The following PPP3CA variants were observed in gnomAD, a reference collection of about 807,000 sequenced individuals.
PPP3CA encodes protein phosphatase 3 catalytic subunit alpha.
A neutral mutation model predicts 66.5 loss-of-function variants in PPP3CA; 14 were observed. The observed-to-expected ratio is 0.21, with a 90% confidence interval of 0.14 to 0.33. The LOEUF is 0.33. Ranked by LOEUF, PPP3CA falls within the 10% of genes least tolerant of loss-of-function variation. PPP3CA has a pLI of 1.00. For missense variants in PPP3CA, 317 were observed against 639.5 expected, an observed-to-expected ratio of 0.50 and a Z score of 5.44; for synonymous variants, 232 against 226.2, an observed-to-expected ratio of 1.03 and a Z score of -0.23.
intron 1 of PPP3CA, among the ~76,000 whole-genome samples, chr4:101,328,924 G>C (rs1306990675): frequency 1.3e-5 from 2 of 151,902 alleles, no homozygotes; most frequent in Non-Finnish European, 2.9e-5. Flanking sequence ...ATCTCTCTCT[G>C]TCTCTCCTTG....
intron 2 of PPP3CA, among the ~76,000 whole-genome samples, chr4:101,139,347 CAA>C (rs56658441): frequency 0.54 from 51,396 of 95,744 alleles, 10,568 homozygotes; most frequent in African/African-American, 0.66. Flanking sequence ...GACTCCGTCT[CAA>C]AAAAAAAAAA....
At chr4:101,244,608 G>A (rs952709532) in intron 1 of PPP3CA, among the ~76,000 whole-genome samples, 1 of 152,130 alleles carries the variant, frequency 6.6e-6, no homozygotes, top group Non-Finnish European at 1.5e-5. Context: ...GACAAGAGAC[G>A]CCTACAGCTC....
In PPP3CA at chr4:101,124,723, AAGAGAAAG is replaced by A. The variant is rs1247694959; in HGVS notation, c.260-15653_260-15646del. On this transcript the variant is annotated intron_variant, in intron 2 of 13. Coordinates refer to ENST00000394854, the MANE Select transcript of PPP3CA (RefSeq NM_000944.5). ...AAAGAAAGAAAGAAAGAAAGAAAGA[AAGAGAAAG>A]AAAGAAAGAAAGAAAGAAAGAAAGA... Among the ~76,000 whole-genome samples, 95 of 48,254 alleles carry A rather than the reference AAGAGAAAG, an allele frequency of 2.0e-3. 1 individual carries two copies. Among genetic ancestry groups the A allele is most frequent in the African/African-American group, 6.1e-3 (89 of 14,472 alleles). The allele number at this position is 48,254 out of a possible 152,430, so 31.7% of individuals were successfully genotyped here. A position where few individuals can be genotyped will look rare whatever the true frequency, so the allele number is the denominator to read the frequency against.
At chr4:101,082,431 T>C (rs1729480866) in intron 7 of PPP3CA, among the ~76,000 whole-genome samples, 1 of 152,164 alleles carries the variant, frequency 6.6e-6, no homozygotes, top group Non-Finnish European at 1.5e-5. Context: ...ACCTAGACTA[T>C]GAAGGGATGA....
In PPP3CA at chr4:101,023,506, A is replaced by G. The variant is rs1726476729; in HGVS notation, c.*2359T>C. The G allele has an allele frequency of 6.6e-6, 1 of 152,236 alleles. No homozygotes were observed. Among genetic ancestry groups the G allele is most frequent in the Non-Finnish European group, 1.5e-5 (1 of 68,032 alleles). 9.4% of individuals were successfully genotyped at this position (152,236 alleles called of 1,614,324 possible). Reference sequence around the variant, plus strand: ...TTTGTAAAAGAAAGGAATCCAAAAAAATGAATTTTTTTTAGTCAGGATATT... The same window carrying G: ...TTTGTAAAAGAAAGGAATCCAAAAAGATGAATTTTTTTTAGTCAGGATATT... On this transcript the variant is annotated 3_prime_UTR_variant, in exon 14 of 14. Coordinates refer to ENST00000394854, the MANE Select transcript of PPP3CA (RefSeq NM_000944.5).
At chr4:101,337,939 T>A (rs1211901885) in intron 1 of PPP3CA, among the ~76,000 whole-genome samples, 1 of 152,194 alleles carries the variant, frequency 6.6e-6, no homozygotes, top group Non-Finnish European at 1.5e-5. Context: ...GCCTGAAGAT[T>A]TTTTATTGGT....
At chr4:101,136,281 G>A (rs146971140) in intron 2 of PPP3CA, among the ~76,000 whole-genome samples, 1 of 152,170 alleles carries the variant, frequency 6.6e-6, no homozygotes, top group African/African-American at 2.4e-5. Flanking sequence ...TCAGCCGGGT[G>A]TGTAATCCCA....
intron 2 of PPP3CA, among the ~76,000 whole-genome samples, chr4:101,128,870 G>A (rs1323558767): frequency 6.6e-6 from 1 of 152,092 alleles, no homozygotes; most frequent in African/African-American, 2.4e-5. Context: ...TCATACCCCA[G>A]TGGTGGCTGG....
At chr4:101,132,798 A>G (rs1396448974) in intron 2 of PPP3CA, among the ~76,000 whole-genome samples, 1 of 152,340 alleles carries the variant, frequency 6.6e-6, no homozygotes, top group East Asian at 1.9e-4. Context: ...CACAACCAAA[A>G]AAGAAAATTT....
intron 10 of PPP3CA, among the ~76,000 whole-genome samples, chr4:101,042,378 T>C (rs1383601430): frequency 6.6e-6 from 1 of 152,126 alleles, no homozygotes; most frequent in Non-Finnish European, 1.5e-5. Context: ...CCTACATTTG[T>C]GTCCATTTCT....
At chr4:101,193,736 C>A (rs907619036) in intron 2 of PPP3CA, among the ~76,000 whole-genome samples, 1 of 152,138 alleles carries the variant, frequency 6.6e-6, no homozygotes, top group African/African-American at 2.4e-5. Flanking sequence ...TGAACCCAAA[C>A]CTTTCATTGT....
chr4:101,328,027 A>G (rs890395008), intron 1 of PPP3CA, among the ~76,000 whole-genome samples: 1 of 152,348 alleles, frequency 6.6e-6, no homozygotes, highest in African/African-American at 2.4e-5. Context: ...AGCTGATTCC[A>G]GCAGGAAGAA....
At chr4:101,264,485 AAAAG>A (rs1317912342) in intron 1 of PPP3CA, among the ~76,000 whole-genome samples, 1 of 152,218 alleles carries the variant, frequency 6.6e-6, no homozygotes, top group Non-Finnish European at 1.5e-5. Flanking sequence ...AAATTAAAAT[AAAAG>A]AAGGAAGGAA....
chr4:101,106,386 AAAG>A (rs1730682938), intron 3 of PPP3CA, among the ~76,000 whole-genome samples: 1 of 4,750 alleles, frequency 2.1e-4, no homozygotes, highest in African/African-American at 6.1e-4. Context: ...AGAAAGAAAG[AAAG>A]AAAGAAAGAA....
At chr4:101,295,728 T>A (rs1351701814) in intron 1 of PPP3CA, among the ~76,000 whole-genome samples, 1 of 152,246 alleles carries the variant, frequency 6.6e-6, no homozygotes, top group Non-Finnish European at 1.5e-5. Context: ...AACTTACAAA[T>A]AACTTTTTGC....
In PPP3CA at chr4:101,154,097, G is replaced by C. The variant is rs184222582; in HGVS notation, c.259+41819C>G. Among the ~76,000 whole-genome samples, 22 of 152,208 alleles carry C rather than the reference G, an allele frequency of 1.4e-4. No individual in the cohort carries two copies. In the East Asian group the frequency reaches 4.3e-3, roughly 29 times the overall value. Reference sequence around the variant, plus strand: ...CAGTTTTTTATGAAGTACCACATTTGCTTGTATATGTCATCCTTATGAACA... The same window carrying C: ...CAGTTTTTTATGAAGTACCACATTTCCTTGTATATGTCATCCTTATGAACA... On this transcript the variant is annotated intron_variant, in intron 2 of 13. Transcript: ENST00000394854.
intron 1 of PPP3CA, among the ~76,000 whole-genome samples, chr4:101,303,399 C>T (rs1036870171): frequency 6.6e-6 from 1 of 152,058 alleles, no homozygotes; most frequent in South Asian, 2.1e-4. Flanking sequence ...GTATTTTTTT[C>T]AGCAAAATTA....
At chr4:101,212,483 G>A (rs564803128) in intron 1 of PPP3CA, among the ~76,000 whole-genome samples, 10 of 152,116 alleles carry the variant, frequency 6.6e-5, no homozygotes, top group Non-Finnish European at 1.5e-4. Context: ...AGGGGAGGGA[G>A]AGCATCAGGT....
chr4:101,139,168 C>T (rs1051316729), intron 2 of PPP3CA, among the ~76,000 whole-genome samples: 1 of 151,972 alleles, frequency 6.6e-6, no homozygotes, highest in Non-Finnish European at 1.5e-5. Flanking sequence ...ACAGTGAAAC[C>T]CCGTCTCTAC....
Sources: gnomAD v4.1 joint callset for allele counts (sites outside exome capture counted in the v4.1 genomes callset) on GRCh38, gnomAD v4.1.1 for gene constraint, MANE v1.5 for transcripts, NCBI Gene and HGNC (gene_info 2026-07-23, HGNC 2026-07-21) for gene names.